Variants in PHKB observed in about 807,000 individuals in gnomAD.
The protein encoded by PHKB is phosphorylase b kinase regulatory subunit beta.
In PHKB, 122 loss-of-function variants were observed where a neutral mutation model predicts 152.1. That is an observed-to-expected ratio of 0.80 (90% confidence interval 0.69 to 0.93). PHKB has a LOEUF of 0.93. Among genes scored for constraint, PHKB ranks in the 40% least tolerant of loss-of-function variants. The pLI, the probability that PHKB is intolerant of heterozygous loss-of-function variation, is 0.00. For missense variants in PHKB, 1,304 were observed against 1,328.4 expected (o/e 0.98, Z 0.29); for synonymous variants, 436 against 464.9 (o/e 0.94, Z 0.80).
Position 47,663,564 on chromosome 16 carries a change from C to G in PHKB, c.2279-113C>G, listed in dbSNP as rs528018722. ...ATGTTAGTTCAGAACATTAATGGAT[C>G]GATGTATCAACTCTAGTGAAGCACA... On this transcript the variant is annotated intron_variant, in intron 23 of 30. Transcript: ENST00000323584. 124 of 794,364 alleles carry G rather than the reference C, an allele frequency of 1.6e-4. 1 individual carries two copies. The South Asian group carries it at 1.8e-3, about 12-fold the overall frequency. The allele number at this position is 794,364 out of a possible 1,614,324, so 49.2% of individuals were successfully genotyped here.
intron 13 of PHKB, 112 bp downstream of exon 13, chr16:47,596,643 A>G: frequency 1.1e-6 from 1 of 931,154 alleles, no homozygotes; most frequent in Non-Finnish European, 1.7e-6. Context: ...CATGGTCTTG[A>G]GAGGTCTTTA....
rs562834886 is a variant in PHKB at position 47,654,515 on chromosome 16, C to A, written c.1971+3594C>A. Among the ~76,000 whole-genome samples the A allele has an allele frequency of 8.2e-4, 125 of 152,088 alleles. 1 individual carries two copies. The highest frequency in any genetic ancestry group is 2.9e-3 in the African/African-American group (119 of 41,466). On this transcript the variant is annotated intron_variant, in intron 20 of 30. Transcript: ENST00000323584. ...GACACATGCACACATATGTTTATTGCGACACTATTCACAATAGCAAAGACT... is the reference window on the plus strand; with the variant it reads ...GACACATGCACACATATGTTTATTGAGACACTATTCACAATAGCAAAGACT...
At chr16:47,554,866 A>G (rs534226964) in intron 7 of PHKB, among the ~76,000 whole-genome samples, 94 of 152,234 alleles carry the variant, frequency 6.2e-4, no homozygotes, top group Non-Finnish European at 1.1e-3. Flanking sequence ...AACCAGTCCC[A>G]GTGAGATGAG....
chr16:47,467,286 T>C (rs969290286), intron 1 of PHKB, among the ~76,000 whole-genome samples: 3 of 152,206 alleles, frequency 2.0e-5, no homozygotes, highest in African/African-American at 7.2e-5. Context: ...ACAACTAGCT[T>C]GAATCAGATT....
intron 1 of PHKB, among the ~76,000 whole-genome samples, chr16:47,491,853 G>A (rs555716343): frequency 2.8e-4 from 43 of 152,226 alleles, no homozygotes; most frequent in Non-Finnish European, 2.9e-4. Flanking sequence ...CTGGCGCCCC[G>A]TGTTTTTCCC....
At chr16:47,529,359 T>G (rs1970821453) in intron 6 of PHKB, 1 of 150,796 alleles carries the variant, frequency 6.6e-6, no homozygotes, top group South Asian at 2.1e-4. Context: ...TTTTTTTTTT[T>G]TTTTTTGGAG....
chr16:47,583,005 C>A (rs1227556534), intron 8 of PHKB, among the ~76,000 whole-genome samples: 1 of 152,166 alleles, frequency 6.6e-6, no homozygotes, highest in Non-Finnish European at 1.5e-5. Flanking sequence ...CCACGTTGGC[C>A]AGGCTGGTCT....
At chr16:47,564,742 T>G (rs759061529) in intron 7 of PHKB, among the ~76,000 whole-genome samples, 9 of 152,186 alleles carry the variant, frequency 5.9e-5, no homozygotes, top group Non-Finnish European at 1.3e-4. Flanking sequence ...TTTAGACTTA[T>G]GTCTTTAATC....
At chr16:47,646,382 G>A (rs898408393) in intron 16 of PHKB, among the ~76,000 whole-genome samples, 1 of 97,342 alleles carries the variant, frequency 1.0e-5, no homozygotes, top group Admixed American at 1.1e-4. Flanking sequence ...GACTGTGGTG[G>A]GGTCGGGGGA....
intron 14 of PHKB, among the ~76,000 whole-genome samples, chr16:47,614,857 T>C (rs538528476): frequency 6.6e-6 from 1 of 152,322 alleles, no homozygotes; most frequent in South Asian, 2.1e-4. Flanking sequence ...AGCCTTCTTC[T>C]GTTATCATTT....
At chr16:47,520,268 A>G (rs1260243510) in intron 6 of PHKB, among the ~76,000 whole-genome samples, 1 of 152,246 alleles carries the variant, frequency 6.6e-6, no homozygotes. Context: ...TATATGTAGC[A>G]ATAGTAATAA....
At chr16:47,461,880 C>T (rs1381623589) in intron 1 of PHKB, among the ~76,000 whole-genome samples, 1 of 152,168 alleles carries the variant, frequency 6.6e-6, no homozygotes, top group South Asian at 2.1e-4. Flanking sequence ...TGCTTTATGT[C>T]TTATATCCCT....
intron 1 of PHKB, among the ~76,000 whole-genome samples, chr16:47,495,485 C>A (rs755976873): frequency 6.6e-6 from 1 of 152,058 alleles, no homozygotes; most frequent in Non-Finnish European, 1.5e-5. Context: ...TAATAGAGAT[C>A]TAAATAAAAA....
At chr16:47,580,480 A>G in intron 8 of PHKB, 122 bp downstream of exon 8, 1 of 681,092 alleles carries the variant, frequency 1.5e-6, no homozygotes, top group Non-Finnish European at 2.6e-6. Flanking sequence ...GTAGAAGCTC[A>G]TGCTTGAACT....
At chr16:47,553,589 T>G (rs1173615629) in intron 7 of PHKB, among the ~76,000 whole-genome samples, 1 of 152,122 alleles carries the variant, frequency 6.6e-6, no homozygotes, top group East Asian at 1.9e-4. Flanking sequence ...GGCAAGGACT[T>G]GTGATCCTTT....
chr16:47,526,458 C>T (rs1250287627), intron 6 of PHKB, among the ~76,000 whole-genome samples: 1 of 151,624 alleles, frequency 6.6e-6, no homozygotes, highest in Non-Finnish European at 1.5e-5. Context: ...ACCTTCAGTT[C>T]CTGGAGGTTG....
chr16:47,522,265 T>G (rs1447269226), intron 6 of PHKB, among the ~76,000 whole-genome samples: 1 of 152,170 alleles, frequency 6.6e-6, no homozygotes, highest in Non-Finnish European at 1.5e-5. Flanking sequence ...TTCAGTCAGT[T>G]TTAGTAGTTT....
intron 1 of PHKB, among the ~76,000 whole-genome samples, chr16:47,494,551 T>C (rs1008206104): frequency 2.0e-5 from 3 of 152,242 alleles, no homozygotes; most frequent in African/African-American, 7.2e-5. Flanking sequence ...CTTGTCTTCC[T>C]GAGCCTGGTA....
At chr16:47,676,465 A>T (rs771381912) in intron 26 of PHKB, 3 of 152,214 alleles carry the variant, frequency 2.0e-5, no homozygotes, top group Admixed American at 1.3e-4. Context: ...CTGAATGGCC[A>T]TAAGAAATAA....
Sources: gnomAD v4.1 joint callset for allele counts (sites outside exome capture counted in the v4.1 genomes callset) on GRCh38, gnomAD v4.1.1 for gene constraint, MANE v1.5 for transcripts, NCBI Gene and HGNC (gene_info 2026-07-23, HGNC 2026-07-21) for gene names.